The following YPEL2 variants were observed in gnomAD, a reference collection of about 807,000 sequenced individuals.
The protein encoded by YPEL2 is protein yippee-like 2.
In YPEL2, 2 loss-of-function variants were observed where a neutral mutation model predicts 19.1. That is an observed-to-expected ratio of 0.10 (90% CI 0.04 to 0.33). The LOEUF is 0.33. YPEL2 is among the 10% of genes least tolerant of loss of function. YPEL2 has a pLI of 1.00. For missense variants in YPEL2, 66 were observed against 140.7 expected (o/e 0.47, Z 2.68); for synonymous variants, 52 against 50.0 (o/e 1.04, Z -0.17).
intron 1 of YPEL2, among the ~76,000 whole-genome samples, chr17:59,336,591 G>A (rs1320129661): frequency 6.6e-6 from 1 of 152,096 alleles, no homozygotes; most frequent in Non-Finnish European, 1.5e-5. Flanking sequence ...TGCATCACAC[G>A]GGACTGATGG....
chr17:59,372,845 T>C (rs529438162), intron 2 of YPEL2, among the ~76,000 whole-genome samples: 1 of 152,350 alleles, frequency 6.6e-6, no homozygotes, highest in Non-Finnish European at 1.5e-5. Context: ...CCCGAGGCAG[T>C]ATCAGAACAT....
chr17:59,334,358 C>CG (rs2047687657), intron 1 of YPEL2, among the ~76,000 whole-genome samples: 2 of 132,776 alleles, frequency 1.5e-5, no homozygotes, highest in South Asian at 5.7e-4. Flanking sequence ...TGCATAGCCT[C>CG]GGGGGAAGGC....
intron 2 of YPEL2, chr17:59,355,053 A>G (rs2047806012): frequency 6.6e-6 from 1 of 151,458 alleles, no homozygotes; most frequent in African/African-American, 2.4e-5. Flanking sequence ...TCATTTTTTT[A>G]ATGCAAGGAA....
At chr17:59,366,691 C>T (rs1001844929) in intron 2 of YPEL2, among the ~76,000 whole-genome samples, 29 of 152,146 alleles carry the variant, frequency 1.9e-4, no homozygotes, top group Admixed American at 1.8e-3. Flanking sequence ...GCTGGCCTTT[C>T]CCCTTCAGAT....
chr17:59,349,419 C>T (rs1419789762), intron 1 of YPEL2, among the ~76,000 whole-genome samples: 1 of 147,118 alleles, frequency 6.8e-6, no homozygotes, highest in South Asian at 2.2e-4. Context: ...GCTGCAACCT[C>T]CGCCTCCCAG....
At position 59,348,853 on chromosome 17, in the gene YPEL2, A is replaced by G. The variant is rs554995329; in HGVS notation, c.-195-4362A>G. ...GGGCTAAAGTTCAAAAATTAGAATGATGAGTTAAGCTCCATACTCTTAATT... is the reference window on the plus strand; with the variant it reads ...GGGCTAAAGTTCAAAAATTAGAATGGTGAGTTAAGCTCCATACTCTTAATT... On this transcript the variant is annotated intron_variant, in intron 1 of 4. Transcript: ENST00000312655. Among the ~76,000 whole-genome samples, 7 of 152,212 alleles carry G rather than the reference A, an allele frequency of 4.6e-5. No individual in the cohort carries two copies. In the East Asian group the frequency reaches 1.4e-3, roughly 29 times the overall value.
At position 59,398,450 on chromosome 17, in the gene YPEL2, C is replaced by G. The variant is rs770586873; in HGVS notation, c.*1260C>G. ...GTCCCACTTAGGCCTGAATGTCTTG[C>G]ATGGAGAGAAATCTCCTGTCAGTGT... On this transcript the variant is annotated 3_prime_UTR_variant, in exon 5 of 5. Coordinates refer to ENST00000312655, the MANE Select transcript of YPEL2 (RefSeq NM_001005404.4). The G allele has an allele frequency of 2.6e-5, 4 of 152,178 alleles. No homozygotes were observed. The highest frequency in any genetic ancestry group is 5.9e-5 in the Non-Finnish European group (4 of 68,042). 9.4% of individuals were successfully genotyped at this position (152,178 alleles called of 1,614,324 possible).
intron 2 of YPEL2, chr17:59,366,175 C>CA (rs1471059957): frequency 6.5e-6 from 1 of 153,204 alleles, no homozygotes; most frequent in African/African-American, 2.4e-5. Flanking sequence ...CTCACCAAAA[C>CA]AAAAAATCCC....
intron 2 of YPEL2, chr17:59,356,291 A>G (rs1005725410): frequency 7.3e-5 from 9 of 123,148 alleles, no homozygotes; most frequent in African/African-American, 2.5e-4. Flanking sequence ...AAAGCTTGAC[A>G]TTCGTTTGGT....
At chr17:59,348,879 T>G (rs981549497) in intron 1 of YPEL2, among the ~76,000 whole-genome samples, 1 of 152,110 alleles carries the variant, frequency 6.6e-6, no homozygotes, top group African/African-American at 2.4e-5. Flanking sequence ...ACTCTTAATT[T>G]CTTCCTTTAA....
chr17:59,374,489 G>A (rs2047910954), intron 2 of YPEL2, among the ~76,000 whole-genome samples: 1 of 152,170 alleles, frequency 6.6e-6, no homozygotes, highest in African/African-American at 2.4e-5. Context: ...ATATGCTAAT[G>A]GCGCTCACCA....
At chr17:59,341,684 A>C (rs886469139) in intron 1 of YPEL2, among the ~76,000 whole-genome samples, 6 of 152,194 alleles carry the variant, frequency 3.9e-5, no homozygotes, top group African/African-American at 1.4e-4. Flanking sequence ...TATATTAAAA[A>C]GGTAAACAGG....
rs547008724 is a variant in YPEL2, at chr17:59,394,905, A to C, written c.271-2196A>C. 5.9e-5 allele frequency among the ~76,000 whole-genome samples: 9 copies of C among 152,340 alleles called. No homozygotes were observed. In the South Asian group the frequency reaches 1.9e-3, roughly 32 times the overall value. ...AGCTGGAGACCAGCCCGGCCAACAC[A>C]GCGAAACCCCGTCTCCACCAAATAA... On this transcript the variant is annotated intron_variant, in intron 4 of 4. Coordinates refer to ENST00000312655, the MANE Select transcript of YPEL2 (RefSeq NM_001005404.4).
At chr17:59,370,912 A>T (rs751485414) in intron 2 of YPEL2, among the ~76,000 whole-genome samples, 1 of 151,982 alleles carries the variant, frequency 6.6e-6, no homozygotes, top group East Asian at 1.9e-4. Context: ...GGTCAGGGGG[A>T]GTGACCCTGT....
chr17:59,374,381 C>T (rs1392803545), intron 2 of YPEL2, among the ~76,000 whole-genome samples: 1 of 152,164 alleles, frequency 6.6e-6, no homozygotes, highest in Non-Finnish European at 1.5e-5. Context: ...CCACCATGAC[C>T]CTTTCAAGTA....
At chr17:59,396,006 GGGAGAC>G (rs1176477671) in intron 4 of YPEL2, among the ~76,000 whole-genome samples, 2 of 152,076 alleles carry the variant, frequency 1.3e-5, no homozygotes, top group East Asian at 3.9e-4. Flanking sequence ...GCTTGAACCC[GGGAGAC>G]GGAGCTTGTA....
chr17:59,349,137 G>A (rs1162200941), intron 1 of YPEL2, among the ~76,000 whole-genome samples: 5 of 129,398 alleles, frequency 3.9e-5, no homozygotes, highest in Non-Finnish European at 1.5e-5. Context: ...TGGCGCCACT[G>A]CACTCCAGCC....
rs1183952856 is a variant in YPEL2, at chr17:59,397,604, A to AGGG, written c.*416_*418dup. 1 of 159,622 alleles carries AGGG rather than the reference A, an allele frequency of 6.3e-6. No individual in the cohort carries two copies. The highest frequency in any genetic ancestry group is 2.4e-5 in the African/African-American group (1 of 41,704). The allele number at this position is 159,622 out of a possible 1,614,324, so 9.9% of individuals were successfully genotyped here. A position where few individuals can be genotyped will look rare whatever the true frequency, so the allele number is the denominator to read the frequency against. On this transcript the variant is annotated 3_prime_UTR_variant, in exon 5 of 5. Coordinates refer to ENST00000312655, the MANE Select transcript of YPEL2 (RefSeq NM_001005404.4). Reference sequence around the variant, plus strand: ...AACTCTAAGGGTCCTGGCGCGGGGAAGGGGTGGAAGGGTGGAGGTAGGAAC... The same window carrying AGGG: ...AACTCTAAGGGTCCTGGCGCGGGGAAGGGGGGGTGGAAGGGTGGAGGTAGGAAC...
intron 2 of YPEL2, among the ~76,000 whole-genome samples, chr17:59,385,238 C>T (rs966984564): frequency 6.6e-6 from 1 of 152,116 alleles, no homozygotes. Flanking sequence ...GTCAGACAAA[C>T]ACATATACAC....
Sources: gnomAD v4.1 joint callset for allele counts (sites outside exome capture counted in the v4.1 genomes callset) on GRCh38, gnomAD v4.1.1 for gene constraint, MANE v1.5 for transcripts, NCBI Gene and HGNC (gene_info 2026-07-23, HGNC 2026-07-21) for gene names.